GRIP2: variants seen among roughly 807,000 people sequenced by gnomAD.
GRIP2 encodes glutamate receptor-interacting protein 2.
In GRIP2, 58 loss-of-function variants were observed where a neutral mutation model predicts 108.3. That is an observed-to-expected ratio of 0.54 (90% CI 0.43 to 0.67). The LOEUF is 0.67. Ranked by LOEUF, GRIP2 falls within the 30% of genes least tolerant of loss-of-function variation. GRIP2 has a pLI of 0.00. For synonymous variants in GRIP2, 586 were observed against 598.2 expected (o/e 0.98, Z 0.30); for missense variants, 1,278 against 1,430.6 (o/e 0.89, Z 1.72).
In GRIP2 at chr3:14,507,674, C is replaced by A; in HGVS notation, c.2105G>T (p.Arg702Leu). Reference protein sequence around the residue: ...ERTGAIHVGDRILAINNVSLK... With the variant: ...ERTGAIHVGDLILAINNVSLK... ...GCTAACGTTGTTGATGGCCAGAATGCGGTCCCCCACGTGGATGGCACCAGT... is the reference window on the plus strand; with the variant it reads ...GCTAACGTTGTTGATGGCCAGAATGAGGTCCCCCACGTGGATGGCACCAGT... The change falls in exon 18 of 24, where the codon CGC becomes CTC. Residue 702 changes from arginine to leucine, a missense_variant. By Grantham distance (102) the Arg-to-Leu change is moderately radical (BLOSUM62 -2). Coordinates refer to ENST00000621039, the MANE Select transcript of GRIP2 (RefSeq NM_001080423.4). This position sits in a 1 kb window ranked among gnomAD's most constrained non-coding sequence, Gnocchi z 4.6. 6.2e-7 allele frequency: 1 copy of A among 1,613,916 alleles called. No individual in the cohort carries two copies. Among genetic ancestry groups the A allele is most frequent in the Non-Finnish European group, 8.5e-7 (1 of 1,179,854 alleles).
the GRIP2 span, chr3:14,573,749 A>C: frequency 6.7e-7 from 1 of 1,497,280 alleles, no homozygotes; most frequent in Non-Finnish European, 9.3e-7. Context: ...AAGAGGGCTC[A>C]TCATATACCC....
chr3:14,516,488 C>G (rs1224950547), intron 11 of GRIP2, among the ~76,000 whole-genome samples: 1 of 152,210 alleles, frequency 6.6e-6, no homozygotes, highest in Non-Finnish European at 1.5e-5. Flanking sequence ...AGGGCTCCTG[C>G]CTTATCATTC....
chr3:14,508,050 A>C (rs942974750), intron 17 of GRIP2, among the ~76,000 whole-genome samples: 5 of 152,204 alleles, frequency 3.3e-5, no homozygotes, highest in African/African-American at 4.8e-5. Context: ...TTCATCTGTA[A>C]AATGGGGGTG....
At chr3:14,573,605 G>T in the GRIP2 span, 2 of 1,477,220 alleles carry the variant, frequency 1.4e-6, no homozygotes, top group East Asian at 2.3e-5. Context: ...CACACTCGCC[G>T]TTGGTGCCAA....
Position 14,520,514 on chromosome 3 carries a change from G to A in GRIP2, c.736C>T (p.Pro246Ser). 3 of 1,613,930 alleles carry A rather than the reference G, an allele frequency of 1.9e-6. No individual in the cohort carries two copies. Among genetic ancestry groups the A allele is most frequent in the Non-Finnish European group, 2.5e-6 (3 of 1,179,884 alleles). The change falls in exon 8 of 24, where the codon CCC (proline) becomes TCC (serine). Residue 246 changes from proline to serine, a missense_variant. Coordinates refer to ENST00000621039, the MANE Select transcript of GRIP2 (RefSeq NM_001080423.4). The stretch of plus-strand genomic sequence containing the variant: ...GTCTTGACTATTTCCACCATCAAGG[G>A]TCCCGAAGCATTAGCCACCGTGTCT... Reference protein sequence around the residue: ...TPDTVANASGPLMVEIVKTPG... With the variant: ...TPDTVANASGSLMVEIVKTPG...
the GRIP2 span, among the ~76,000 whole-genome samples, chr3:14,568,919 G>C: frequency 6.6e-6 from 1 of 152,210 alleles, no homozygotes; most frequent in Non-Finnish European, 1.5e-5. Context: ...GTGGCCTCCA[G>C]AGCATCACTT....
intron 13 of GRIP2, among the ~76,000 whole-genome samples, chr3:14,513,094 G>A (rs1694146437): frequency 6.6e-6 from 1 of 152,168 alleles, no homozygotes; most frequent in South Asian, 2.1e-4. Context: ...CAGGCCTCTT[G>A]GCTGTCGGCT....
rs930586857 is a variant in GRIP2 at position 14,512,543 on chromosome 3, G to A, written c.1720+234C>T. Reference sequence around the variant, plus strand: ...CTCACAAGCCCCCTGGGAGACCCACGAGGCCAGGGGACTGCCATGGTGCAG... The same window carrying A: ...CTCACAAGCCCCCTGGGAGACCCACAAGGCCAGGGGACTGCCATGGTGCAG... On this transcript the variant is annotated intron_variant, in intron 14 of 23. Transcript: ENST00000621039. This position sits in a 1 kb window ranked among gnomAD's most constrained non-coding sequence, Gnocchi z 5.1. 4.6e-5 allele frequency among the ~76,000 whole-genome samples: 7 copies of A among 152,104 alleles called. No individual in the cohort carries two copies. Among genetic ancestry groups the A allele is most frequent in the South Asian group, 2.1e-4 (1 of 4,820 alleles).
intron 11 of GRIP2, among the ~76,000 whole-genome samples, chr3:14,516,429 C>T (rs980246160): frequency 6.6e-6 from 1 of 152,194 alleles, no homozygotes; most frequent in South Asian, 2.1e-4. Context: ...AGACTGTTCC[C>T]AAGAAGGGTT....
chr3:14,575,263 A>G, the GRIP2 span, among the ~76,000 whole-genome samples: 1 of 152,248 alleles, frequency 6.6e-6, no homozygotes, highest in African/African-American at 2.4e-5. Flanking sequence ...ACTGTCCGCA[A>G]TGCTGATTCC....
intron 1 of GRIP2, among the ~76,000 whole-genome samples, chr3:14,536,611 T>TC (rs1333292551): frequency 2.0e-5 from 3 of 152,166 alleles, no homozygotes; most frequent in African/African-American, 7.2e-5. Context: ...GGAGAGGGGC[T>TC]CCTGTCCAGC....
chr3:14,524,354 C>A (rs761773840), intron 4 of GRIP2, 39 bp downstream of exon 4: 1 of 1,592,770 alleles, frequency 6.3e-7, no homozygotes, highest in South Asian at 1.2e-5. Flanking sequence ...CACCCGCAAC[C>A]GAGGCAGTGG....
chr3:14,532,592 C>T (rs1385260791), intron 1 of GRIP2, among the ~76,000 whole-genome samples: 1 of 152,118 alleles, frequency 6.6e-6, no homozygotes, highest in Admixed American at 6.5e-5. Flanking sequence ...CATATCGCCC[C>T]CAACAGAGAA....
the GRIP2 span, among the ~76,000 whole-genome samples, chr3:14,577,525 G>A: frequency 2.0e-5 from 3 of 152,138 alleles, no homozygotes; most frequent in Admixed American, 2.0e-4. Context: ...ATCAAAAGCT[G>A]GACATTCCCA....
At chr3:14,524,177 A>C (rs552303097) in intron 4 of GRIP2, 2 of 592,316 alleles carry the variant, frequency 3.4e-6, no homozygotes, top group East Asian at 2.8e-5. Flanking sequence ...TAAATATGTA[A>C]AATGACATTG....
chr3:14,601,635 C>A, the GRIP2 span, among the ~76,000 whole-genome samples: 3 of 152,166 alleles, frequency 2.0e-5, no homozygotes, highest in African/African-American at 7.2e-5. Context: ...AGACCCTCCA[C>A]GGGCTCTGCC....
the GRIP2 span, among the ~76,000 whole-genome samples, chr3:14,603,011 G>C: frequency 6.8e-6 from 1 of 146,458 alleles, no homozygotes; most frequent in Non-Finnish European, 1.5e-5. Flanking sequence ...GCCCGGCCCG[G>C]CCTCGCCAGC....
At chr3:14,524,366 G>T in intron 4 of GRIP2, 27 bp downstream of exon 4, 2 of 1,603,250 alleles carry the variant, frequency 1.2e-6, no homozygotes, top group Admixed American at 1.7e-5. Context: ...AGGCAGTGGA[G>T]AAAGTTCCCC....
At position 14,507,413 on chromosome 3, in the gene GRIP2, T is replaced by C. The variant is rs1280679675; in HGVS notation, c.2218+148A>G. On this transcript the variant is annotated intron_variant, in intron 18 of 23. Transcript: ENST00000621039. This position sits in a 1 kb window ranked among gnomAD's most constrained non-coding sequence, Gnocchi z 4.6. The stretch of plus-strand genomic sequence containing the variant: ...TGGCCCTGGGCTCATCACTTCCCTC[T>C]CTGAGTCTTATCTTCTTTGCCATCG... 2 of 988,032 alleles carry C rather than the reference T, an allele frequency of 2.0e-6. No individual in the cohort carries two copies. Among genetic ancestry groups the C allele is most frequent in the East Asian group, 5.2e-5 (2 of 38,672 alleles). 61.2% of individuals were successfully genotyped at this position (988,032 alleles called of 1,614,324 possible).
Sources: gnomAD v4.1 joint callset for allele counts (sites outside exome capture counted in the v4.1 genomes callset) on GRCh38, gnomAD v4.1.1 for gene constraint, Gnocchi (gnomAD v3.1) non-coding constraint, MANE v1.5 for transcripts, NCBI Gene and HGNC (gene_info 2026-07-23, HGNC 2026-07-21) for gene names.